NRXN1: variants seen among roughly 807,000 people sequenced by gnomAD.
NRXN1 encodes neurexin-1.
NRXN1 carries 39 observed loss-of-function variants against 150.9 expected under a neutral mutation model. That is an observed-to-expected ratio of 0.26 (90% CI 0.20 to 0.34). The LOEUF is 0.34. NRXN1 is among the 10% of genes least tolerant of loss of function. The pLI is 1.00. For synonymous variants in NRXN1, 924 were observed against 757.0 expected (o/e 1.22, Z -3.62); for missense variants, 1,815 against 1,949.9 (o/e 0.93, Z 1.30).
At chr2:50,199,331 T>C (rs1242980959) in intron 18 of NRXN1, 3 of 152,068 alleles carry the variant, frequency 2.0e-5, no homozygotes, top group African/African-American at 7.2e-5. Flanking sequence ...AGAAATCATA[T>C]TTTGAAACCA....
In NRXN1 at chr2:50,443,773, C is replaced by A. The variant is rs957111; in HGVS notation, c.3364+21669G>T. On this transcript the variant is annotated intron_variant, in intron 17 of 22. Transcript: ENST00000401669. Reference sequence around the variant, plus strand: ...CACAGTCAAAATAGTTCCATATATACAATACTTATTTGTGTTCATGGACTA... The same window carrying A: ...CACAGTCAAAATAGTTCCATATATAAAATACTTATTTGTGTTCATGGACTA... Among the ~76,000 whole-genome samples the A allele has an allele frequency of 8.0e-3, 1,220 of 152,242 alleles. 16 individuals are homozygous for A. The highest frequency in any genetic ancestry group is 0.028 in the African/African-American group (1,152 of 41,546).
chr2:50,686,168 C>T (rs991654947), intron 5 of NRXN1, among the ~76,000 whole-genome samples: 2 of 152,052 alleles, frequency 1.3e-5, no homozygotes, highest in African/African-American at 2.4e-5. Context: ...AAACAAAAAA[C>T]TAGAGTTTTC....
chr2:50,226,966 C>G (rs988932990), intron 18 of NRXN1, among the ~76,000 whole-genome samples: 10 of 151,934 alleles, frequency 6.6e-5, no homozygotes. Flanking sequence ...AAATTCTAGG[C>G]TCATGCTGGG....
rs546012459 is a variant in NRXN1 at position 50,364,543 on chromosome 2, G to T, written c.3364+100899C>A. Among the ~76,000 whole-genome samples, 3 of 152,168 alleles carry T rather than the reference G, an allele frequency of 2.0e-5. No homozygotes were observed. The South Asian group carries it at 6.2e-4, about 32-fold the overall frequency. ...CCAAATGCTTAATTTCCCATTTTATGTTCCCTTGTCAATTCTCTCCTGCTT... is the reference window on the plus strand; with the variant it reads ...CCAAATGCTTAATTTCCCATTTTATTTTCCCTTGTCAATTCTCTCCTGCTT... On this transcript the variant is annotated intron_variant, in intron 17 of 22. Transcript: ENST00000401669.
chr2:50,108,276 T>C (rs894949001), intron 18 of NRXN1, among the ~76,000 whole-genome samples: 1 of 152,074 alleles, frequency 6.6e-6, no homozygotes, highest in African/African-American at 2.4e-5. Flanking sequence ...CCAATGTATA[T>C]TTTAATCATA....
chr2:50,424,365 A>ATG (rs1319154503), intron 17 of NRXN1, among the ~76,000 whole-genome samples: 2 of 150,212 alleles, frequency 1.3e-5, no homozygotes, highest in Non-Finnish European at 3.0e-5. Flanking sequence ...TTTGGGAGAG[A>ATG]AACAAGATAG....
chr2:50,526,082 T>C (rs2092943588), intron 12 of NRXN1, among the ~76,000 whole-genome samples: 1 of 152,188 alleles, frequency 6.6e-6, no homozygotes, highest in South Asian at 2.1e-4. Flanking sequence ...ATATTTTCCA[T>C]ATAAAGTACA....
intron 18 of NRXN1, among the ~76,000 whole-genome samples, chr2:50,104,517 A>G (rs1701383268): frequency 6.6e-6 from 1 of 152,022 alleles, no homozygotes; most frequent in Non-Finnish European, 1.5e-5. Context: ...ATGAGTGTGG[A>G]TATTCCAGAA....
rs187320177 is a variant in NRXN1, at chr2:50,346,239, C to A, written c.3365-109269G>T. On this transcript the variant is annotated intron_variant, in intron 17 of 22. Coordinates refer to ENST00000401669, the MANE Select transcript of NRXN1 (RefSeq NM_001330078.2). The surrounding 1 kb of genome is among the most constrained non-coding windows in gnomAD (Gnocchi z 5.0). Reference sequence around the variant, plus strand: ...GCTGGAATCTCTCCCTCCCCGCCCCCCGGGGCCAGGGAAGATGGGCAGGAG... The same window carrying A: ...GCTGGAATCTCTCCCTCCCCGCCCCACGGGGCCAGGGAAGATGGGCAGGAG... Among the ~76,000 whole-genome samples the A allele has an allele frequency of 6.6e-6, 1 of 152,184 alleles. No homozygotes were observed. Among genetic ancestry groups the A allele is most frequent in the Non-Finnish European group, 1.5e-5 (1 of 68,022 alleles).
intron 17 of NRXN1, among the ~76,000 whole-genome samples, chr2:50,307,233 C>A (rs2074708210): frequency 6.6e-6 from 1 of 152,202 alleles, no homozygotes; most frequent in South Asian, 2.1e-4. Flanking sequence ...TCACCCACCT[C>A]AGCCTCCCAA....
intron 17 of NRXN1, among the ~76,000 whole-genome samples, chr2:50,251,997 G>T (rs11897871): frequency 0.13 from 19,313 of 151,932 alleles, 1,351 homozygotes; most frequent in African/African-American, 0.16. Flanking sequence ...TGTTCACTCT[G>T]ATGATAGTTT....
At chr2:50,898,915 T>C (rs772554276) in intron 5 of NRXN1, among the ~76,000 whole-genome samples, 2 of 151,480 alleles carry the variant, frequency 1.3e-5, no homozygotes, top group African/African-American at 2.4e-5. Context: ...GTACCTATTC[T>C]GGAAAGCAAA....
intron 17 of NRXN1, among the ~76,000 whole-genome samples, chr2:50,336,886 G>T (rs745530630): frequency 6.6e-6 from 1 of 151,998 alleles, no homozygotes; most frequent in African/African-American, 2.4e-5. Context: ...GGAAGATAAA[G>T]ATAAGGCATT....
At chr2:50,843,419 G>A (rs1016963006) in intron 5 of NRXN1, among the ~76,000 whole-genome samples, 2 of 152,172 alleles carry the variant, frequency 1.3e-5, no homozygotes, top group African/African-American at 4.8e-5. Context: ...AAGAAAATGA[G>A]ATAGTAATGG....
At chr2:50,329,665 ATATATATATT>A (rs1187382598) in intron 17 of NRXN1, among the ~76,000 whole-genome samples, 525 of 25,204 alleles carry the variant, frequency 0.021, 60 homozygotes, top group South Asian at 0.04. Flanking sequence ...ATATATATAT[ATATATATATT>A]TTTTTTTTTC....
In NRXN1 at chr2:50,434,634, T is replaced by C. The variant is rs183750470; in HGVS notation, c.3364+30808A>G. Among the ~76,000 whole-genome samples, 743 of 152,300 alleles carry C rather than the reference T, an allele frequency of 4.9e-3. 4 individuals carry two copies. Among genetic ancestry groups the C allele is most frequent in the Non-Finnish European group, 8.5e-3 (580 of 68,014 alleles). On this transcript the variant is annotated intron_variant, in intron 17 of 22. Coordinates refer to ENST00000401669, the MANE Select transcript of NRXN1 (RefSeq NM_001330078.2). ...GGTCATCTTTAAGAGTCTATTCTTATCTGTGAAATATATTTACAGCCAATA... is the reference window on the plus strand; with the variant it reads ...GGTCATCTTTAAGAGTCTATTCTTACCTGTGAAATATATTTACAGCCAATA...
intron 2 of NRXN1, among the ~76,000 whole-genome samples, chr2:51,000,851 A>G (rs2105085113): frequency 6.6e-6 from 1 of 152,124 alleles, no homozygotes; most frequent in African/African-American, 2.4e-5. Flanking sequence ...ACAAAAGATG[A>G]GAAATGACAC....
intron 12 of NRXN1, among the ~76,000 whole-genome samples, chr2:50,524,921 G>C (rs1054992975): frequency 1.3e-5 from 2 of 152,048 alleles, no homozygotes; most frequent in Non-Finnish European, 2.9e-5. Context: ...TGTATCGTTT[G>C]GAATTATTGG....
intron 17 of NRXN1, among the ~76,000 whole-genome samples, chr2:50,316,269 C>A (rs1357388498): frequency 2.0e-5 from 3 of 151,950 alleles, no homozygotes; most frequent in Non-Finnish European, 4.4e-5. Flanking sequence ...CATTTCCATT[C>A]CAACTGAAAC....
Sources: allele counts gnomAD v4.1 joint callset (sites outside exome capture counted in the v4.1 genomes callset), GRCh38; gene constraint gnomAD v4.1.1; non-coding constraint Gnocchi (gnomAD v3.1); transcripts MANE v1.5; gene names NCBI Gene and HGNC (gene_info 2026-07-23, HGNC 2026-07-21).